Variants in KMT2C observed in about 807,000 individuals in gnomAD.
The protein encoded by KMT2C is histone-lysine N-methyltransferase 2C.
Under a neutral mutation model 507.9 loss-of-function variants are expected in KMT2C, and 88 were observed. The ratio of observed to expected loss-of-function variants is 0.17; its 90% CI spans 0.15 to 0.21. KMT2C has a LOEUF of 0.21. Among genes scored for constraint, KMT2C ranks in the 10% least tolerant of loss-of-function variants. KMT2C has a pLI of 1.00. For missense variants in KMT2C, 4,954 were observed against 5,957.8 expected (o/e 0.83, Z 5.55); for synonymous variants, 2,049 against 2,080.8 (o/e 0.98, Z 0.42).
intron 14 of KMT2C, among the ~76,000 whole-genome samples, chr7:152,243,995 G>T (rs1165620096): frequency 6.6e-6 from 1 of 152,214 alleles, no homozygotes; most frequent in African/African-American, 2.4e-5. Flanking sequence ...GAAGACCTAA[G>T]ATTATTATCT....
At chr7:152,431,493 C>T (rs1175097014) in intron 1 of KMT2C, among the ~76,000 whole-genome samples, 1 of 151,642 alleles carries the variant, frequency 6.6e-6, no homozygotes, top group Non-Finnish European at 1.5e-5. Flanking sequence ...GCTACTCCAG[C>T]TACTTGGGAG....
intron 6 of KMT2C, among the ~76,000 whole-genome samples, chr7:152,308,763 G>T (rs2129198447): frequency 6.7e-6 from 1 of 149,876 alleles, no homozygotes; most frequent in South Asian, 2.1e-4. Flanking sequence ...AAGAAGAGAA[G>T]AGAGGATCCC....
intron 1 of KMT2C, among the ~76,000 whole-genome samples, chr7:152,406,559 C>T (rs1211743957): frequency 2.6e-5 from 4 of 151,636 alleles, no homozygotes; most frequent in Non-Finnish European, 3.0e-5. Flanking sequence ...CCTGGGCTGC[C>T]CAAGCTGGAG....
rs563841657 is a variant in KMT2C at position 152,253,146 on chromosome 7, C to A, written c.1300-431G>T. ...CTGGGATTACAGGTGTGAGCCACTG[C>A]GCCTGGCCTTAGGGTATACACCTTT... On this transcript the variant is annotated intron_variant, in intron 9 of 58. Coordinates refer to ENST00000262189, the MANE Select transcript of KMT2C (RefSeq NM_170606.3). Among the ~76,000 whole-genome samples, 11 of 152,164 alleles carry A rather than the reference C, an allele frequency of 7.2e-5. No individual in the cohort carries two copies. In the South Asian group the frequency reaches 2.3e-3, roughly 32 times the overall value.
chr7:152,283,452 G>A (rs1252565138), intron 6 of KMT2C, among the ~76,000 whole-genome samples: 1 of 152,068 alleles, frequency 6.6e-6, no homozygotes, highest in Admixed American at 6.5e-5. Flanking sequence ...CAGATTATTT[G>A]CTTTCTCTTT....
chr7:152,252,951 C>T (rs2095584723), intron 9 of KMT2C, among the ~76,000 whole-genome samples: 1 of 151,810 alleles, frequency 6.6e-6, no homozygotes, highest in African/African-American at 2.4e-5. Flanking sequence ...CTCCTGGGTT[C>T]AAGTGATTCT....
intron 14 of KMT2C, among the ~76,000 whole-genome samples, chr7:152,241,364 C>T (rs1364974393): frequency 6.6e-6 from 1 of 152,210 alleles, no homozygotes; most frequent in East Asian, 1.9e-4. Context: ...CCAGGCCCAG[C>T]TAATTTTTGT....
intron 27 of KMT2C, among the ~76,000 whole-genome samples, chr7:152,198,683 G>T (rs1396727774): frequency 6.6e-6 from 1 of 152,032 alleles, no homozygotes; most frequent in Admixed American, 6.6e-5. Context: ...TTCTCAACCG[G>T]GGGTGATTTT....
chr7:152,255,106 CACTTAT>C (rs1178791958), intron 9 of KMT2C, among the ~76,000 whole-genome samples: 14 of 75,474 alleles, frequency 1.9e-4, no homozygotes, highest in African/African-American at 7.6e-4. Flanking sequence ...AATCAACTCT[CACTTAT>C]ATATATATAT....
chr7:152,357,988 C>A (rs954639980), intron 2 of KMT2C, among the ~76,000 whole-genome samples: 2 of 152,182 alleles, frequency 1.3e-5, no homozygotes, highest in Non-Finnish European at 2.9e-5. Context: ...GAGACTATCT[C>A]CTACAGGTAT....
intron 22 of KMT2C, 63 bp from the exon 23 acceptor site, chr7:152,220,798 G>C (rs2129145883): frequency 2.5e-6 from 3 of 1,215,490 alleles, no homozygotes; most frequent in Non-Finnish European, 3.6e-6. Flanking sequence ...ACTGATTACT[G>C]TTCCAAAATA....
chr7:152,408,814 T>TAA (rs33915849), intron 1 of KMT2C, among the ~76,000 whole-genome samples: 125 of 122,314 alleles, frequency 1.0e-3, no homozygotes, highest in African/African-American at 2.9e-3. Context: ...AAGGTTTTGT[T>TAA]AAAAAAAAAA....
At chr7:152,150,029 A>G (rs1036332112) in intron 51 of KMT2C, among the ~76,000 whole-genome samples, 9 of 152,264 alleles carry the variant, frequency 5.9e-5, no homozygotes, top group African/African-American at 1.4e-4. Context: ...CCTGTTAAAA[A>G]TAAGTCTTCA....
intron 1 of KMT2C, chr7:152,367,444 C>G: frequency 1.4e-6 from 1 of 735,946 alleles, no homozygotes; most frequent in East Asian, 2.5e-5. Context: ...TCTGGAACTC[C>G]TGAGCTCAAA....
At chr7:152,251,680 T>TGAAGAACACAAGTGAAGG (rs1588600032) in intron 11 of KMT2C, among the ~76,000 whole-genome samples, 1 of 152,198 alleles carries the variant, frequency 6.6e-6, no homozygotes, top group East Asian at 1.9e-4. Flanking sequence ...ACTGTCGGCC[T>TGAAGAACACAAGTGAAGG]GAAGAACACA....
At chr7:152,257,155 T>TG (rs2095674146) in intron 9 of KMT2C, among the ~76,000 whole-genome samples, 1 of 152,114 alleles carries the variant, frequency 6.6e-6, no homozygotes, top group South Asian at 2.1e-4. Flanking sequence ...AGATACACAA[T>TG]GGAGTGCTAT....
intron 53 of KMT2C, among the ~76,000 whole-genome samples, 177 bp from the exon 54 acceptor site, chr7:152,145,472 T>C (rs919877514): frequency 9.2e-5 from 14 of 152,220 alleles, no homozygotes; most frequent in Non-Finnish European, 1.0e-4. Context: ...TACTTAAATA[T>C]GAGTATGCAA....
intron 22 of KMT2C, among the ~76,000 whole-genome samples, chr7:152,221,392 TAAGAG>T (rs1407023089): frequency 6.6e-6 from 1 of 152,210 alleles, no homozygotes; most frequent in East Asian, 1.9e-4. Flanking sequence ...TCTATTTACG[TAAGAG>T]AAGAGAGAAT....
At position 152,187,243 on chromosome 7, in the gene KMT2C, T is replaced by C; in HGVS notation, c.5008+19A>G. The C allele has an allele frequency of 6.3e-7, 1 of 1,586,672 alleles. No homozygotes were observed. Among genetic ancestry groups the C allele is most frequent in the Non-Finnish European group, 8.7e-7 (1 of 1,155,660 alleles). ...TGTGAAAATGTTGGTAAAACAGAAA[T>C]AATATATTCATGGCTTACCAGGGAA... On this transcript the variant is annotated intron_variant, in intron 33 of 58. Coordinates refer to ENST00000262189, the MANE Select transcript of KMT2C (RefSeq NM_170606.3).
Sources: allele counts gnomAD v4.1 joint callset (sites outside exome capture counted in the v4.1 genomes callset), GRCh38; gene constraint gnomAD v4.1.1; transcripts MANE v1.5; gene names NCBI Gene and HGNC (gene_info 2026-07-23, HGNC 2026-07-21).